Variants in SLC41A3 observed in about 807,000 individuals in gnomAD.
The protein encoded by SLC41A3 is solute carrier family 41 member 3.
SLC41A3 carries 44 observed loss-of-function variants against 45.4 expected under a neutral mutation model. The observed-to-expected ratio is 0.97, with a 90% CI of 0.76 to 1.25. The LOEUF is 1.25. Among genes scored for constraint, SLC41A3 ranks in the 50% most tolerant of loss-of-function variants. SLC41A3 has a pLI of 0.00. For missense variants in SLC41A3, 550 were observed against 600.6 expected (o/e 0.92, Z 0.88); for synonymous variants, 256 against 252.4 (o/e 1.01, Z -0.13).
chr3:126,035,727 C>T (rs955923153), intron 3 of SLC41A3, among the ~76,000 whole-genome samples: 103 of 152,226 alleles, frequency 6.8e-4, no homozygotes, highest in Non-Finnish European at 3.2e-4. Context: ...TCCAGTAAAC[C>T]GGCTTAGCAG....
chr3:126,069,253 A>T lies in SLC41A3; in HGVS notation c.-27-1007T>A, dbSNP rs115021532. 1.4e-3 allele frequency among the ~76,000 whole-genome samples: 219 copies of T among 152,144 alleles called. 1 individual carries two copies. The highest frequency in any genetic ancestry group is 5.1e-3 in the African/African-American group (210 of 41,542). On this transcript the variant is annotated intron_variant, in intron 1 of 10. Coordinates refer to ENST00000360370, the MANE Select transcript of SLC41A3 (RefSeq NM_017836.4). ...TGGACACTTTGCACAAGCAGCAGGT[A>T]AAGGCTGGGGAGGCTCTGGTGAGCA...
rs146001032 is a variant in SLC41A3, at chr3:126,027,900, G to C, written c.454-1421C>G. ...TAGGGATCTGTGTAACTTTGAACTT[G>C]AGAATGATGATTTAGGGTATCTGGT... On this transcript the variant is annotated intron_variant, in intron 4 of 10. Coordinates refer to ENST00000360370, the MANE Select transcript of SLC41A3 (RefSeq NM_017836.4). Among the ~76,000 whole-genome samples the C allele has an allele frequency of 2.6e-5, 4 of 152,328 alleles. No individual in the cohort carries two copies. The East Asian group carries it at 7.7e-4, about 29-fold the overall frequency.
chr3:126,060,011 C>G (rs56158509), intron 2 of SLC41A3, among the ~76,000 whole-genome samples: 14,889 of 152,252 alleles, frequency 0.098, 1,309 homozygotes, highest in African/African-American at 0.23. Flanking sequence ...GAACCACCCT[C>G]ATCAGCACAG....
intron 6 of SLC41A3, among the ~76,000 whole-genome samples, chr3:126,018,894 G>A (rs958785219): frequency 6.6e-6 from 1 of 152,178 alleles, no homozygotes; most frequent in African/African-American, 2.4e-5. Flanking sequence ...TTGAACTTGT[G>A]GAATAACCTC....
intron 2 of SLC41A3, chr3:126,067,624 G>C (rs1944417586): frequency 2.0e-6 from 1 of 491,768 alleles, no homozygotes; most frequent in African/African-American, 1.9e-5. Context: ...AAGCACCCCA[G>C]TGTGTGGGAC....
At position 126,006,652 on chromosome 3, in the gene SLC41A3, G is replaced by A. The variant is rs953465758; in HGVS notation, c.*364C>T. 4.6e-6 allele frequency: 7 copies of A among 1,510,998 alleles called. No homozygotes were observed. The African/African-American group carries it at 9.8e-5, about 21-fold the overall frequency. 93.6% of individuals were successfully genotyped at this position (1,510,998 alleles called of 1,614,324 possible). A position where few individuals can be genotyped will look rare whatever the true frequency, so the allele number is the denominator to read the frequency against. On this transcript the variant is annotated 3_prime_UTR_variant, in exon 11 of 11. Coordinates refer to ENST00000360370, the MANE Select transcript of SLC41A3 (RefSeq NM_017836.4). ...TCCTTCCTGCTCCACCCCAATCTGG[G>A]TTGCATGGGCATGGAAAAGAGCAAA...
intron 1 of SLC41A3, among the ~76,000 whole-genome samples, chr3:126,089,571 A>G (rs926206091): frequency 2.0e-5 from 3 of 152,200 alleles, no homozygotes; most frequent in African/African-American, 7.2e-5. Flanking sequence ...TTCTGAACCC[A>G]CATACTATAG....
intron 2 of SLC41A3, among the ~76,000 whole-genome samples, chr3:126,054,063 G>A (rs371368135): frequency 2.0e-5 from 3 of 152,146 alleles, no homozygotes; most frequent in Admixed American, 6.5e-5. Context: ...CTGCTCCTCC[G>A]GCCTCACCCT....
intron 1 of SLC41A3, among the ~76,000 whole-genome samples, chr3:126,071,560 T>C (rs1452761565): frequency 6.6e-6 from 1 of 152,190 alleles, no homozygotes; most frequent in Non-Finnish European, 1.5e-5. Flanking sequence ...AACACATCTA[T>C]ACAAAACACT....
intron 2 of SLC41A3, among the ~76,000 whole-genome samples, chr3:126,065,351 C>A (rs1283426516): frequency 6.6e-6 from 1 of 152,170 alleles, no homozygotes; most frequent in East Asian, 1.9e-4. Flanking sequence ...AAAACTGATA[C>A]AAAAACCACA....
intron 1 of SLC41A3, among the ~76,000 whole-genome samples, chr3:126,091,972 T>C (rs1945495780): frequency 6.6e-6 from 1 of 152,164 alleles, no homozygotes; most frequent in Non-Finnish European, 1.5e-5. Flanking sequence ...TCCTTCCCCA[T>C]CATGGCCTGA....
intron 1 of SLC41A3, among the ~76,000 whole-genome samples, chr3:126,069,793 A>G (rs1469962180): frequency 6.6e-6 from 1 of 152,174 alleles, no homozygotes; most frequent in Admixed American, 6.5e-5. Flanking sequence ...TTTAAAAATA[A>G]CCAAATAGAA....
At chr3:126,065,500 C>A (rs1669282281) in intron 2 of SLC41A3, among the ~76,000 whole-genome samples, 1 of 152,218 alleles carries the variant, frequency 6.6e-6, no homozygotes, top group South Asian at 2.1e-4. Context: ...CAGCTGTGTA[C>A]ACCCACTTTG....
chr3:126,084,154 G>A (rs1350516126), upstream of SLC41A3: 1 of 152,104 alleles, frequency 6.6e-6, no homozygotes, highest in African/African-American at 2.4e-5. Context: ...GCGGGCCTGC[G>A]GCTCAGGCAG....
chr3:126,035,246 G>A (rs1942094488), intron 3 of SLC41A3, among the ~76,000 whole-genome samples: 1 of 152,254 alleles, frequency 6.6e-6, no homozygotes, highest in Non-Finnish European at 1.5e-5. Flanking sequence ...GGAGGCTTGG[G>A]TTGTGGATGA....
At chr3:126,042,193 G>A (rs1276544526) in intron 3 of SLC41A3, among the ~76,000 whole-genome samples, 1 of 152,160 alleles carries the variant, frequency 6.6e-6, no homozygotes, top group East Asian at 1.9e-4. Flanking sequence ...AGGAAATGTA[G>A]GCCCATGCGT....
upstream of SLC41A3, among the ~76,000 whole-genome samples, chr3:126,084,646 A>G (rs564608593): frequency 3.3e-5 from 5 of 152,104 alleles, no homozygotes; most frequent in Non-Finnish European, 7.4e-5. Flanking sequence ...AGTAAGGCCT[A>G]TTTTTTTAAA....
At chr3:126,067,814 A>C in intron 2 of SLC41A3, 133 bp downstream of exon 2, 2 of 1,137,738 alleles carry the variant, frequency 1.8e-6, no homozygotes, top group Non-Finnish European at 1.2e-6. Context: ...CTTGCCCAAT[A>C]TATAGAAAAA....
chr3:126,020,472 G>A (rs1940743568), intron 6 of SLC41A3, among the ~76,000 whole-genome samples: 5 of 152,004 alleles, frequency 3.3e-5, no homozygotes, highest in Admixed American at 2.6e-4. Context: ...CTACCATATG[G>A]CCAGGCTAAA....
Sources: allele counts gnomAD v4.1 joint callset (sites outside exome capture counted in the v4.1 genomes callset), GRCh38; gene constraint gnomAD v4.1.1; transcripts MANE v1.5; gene names NCBI Gene and HGNC (gene_info 2026-07-23, HGNC 2026-07-21).